KCNN2: variants seen among roughly 807,000 people sequenced by gnomAD.
The protein encoded by KCNN2 is small conductance calcium-activated potassium channel protein 2.
Under a neutral mutation model 55.5 loss-of-function variants are expected in KCNN2, and 24 were observed. That is an observed-to-expected ratio of 0.43 (90% confidence interval 0.31 to 0.61). KCNN2 has a LOEUF of 0.61. KCNN2 is among the 20% of genes least tolerant of loss of function. The pLI is 0.08. For synonymous variants in KCNN2, 431 were observed against 336.1 expected (o/e 1.28, Z -3.09); for missense variants, 754 against 853.6 (o/e 0.88, Z 1.45).
At chr5:114,116,564 AC>A (rs1360780382) in intron 1 of KCNN2, among the ~76,000 whole-genome samples, 1 of 152,124 alleles carries the variant, frequency 6.6e-6, no homozygotes, top group African/African-American at 2.4e-5. Flanking sequence ...GTTCCTGTTT[AC>A]CCACTTAAGC....
chr5:114,343,095 T>C (rs1429915070), intron 2 of KCNN2, among the ~76,000 whole-genome samples: 1 of 152,250 alleles, frequency 6.6e-6, no homozygotes, highest in Non-Finnish European at 1.5e-5. Context: ...TCTTCATTTC[T>C]TGCTACATTT....
intron 1 of KCNN2, among the ~76,000 whole-genome samples, chr5:114,153,990 G>C (rs1172697877): frequency 6.6e-6 from 1 of 152,146 alleles, no homozygotes; most frequent in African/African-American, 2.4e-5. Context: ...TAGTCCAGTG[G>C]GTCTAGAGAT....
intron 2 of KCNN2, among the ~76,000 whole-genome samples, chr5:114,231,441 C>A (rs917178385): frequency 6.8e-6 from 1 of 147,410 alleles, no homozygotes; most frequent in Non-Finnish European, 1.5e-5. Flanking sequence ...GTCTTTAATC[C>A]ATCTTGAATT....
In KCNN2 at chr5:114,362,811, G is replaced by A. The variant is rs759360717; in HGVS notation, c.672G>A (p.Arg224=). The A allele has an allele frequency of 4.4e-6, 7 of 1,597,734 alleles. No homozygotes were observed. The East Asian group carries it at 1.3e-4, about 31-fold the overall frequency. The change falls in exon 1 of 8, where the codon CGG becomes CGA. Residue 224 remains arginine, a synonymous_variant. Coordinates refer to ENST00000673685, the MANE Select transcript of KCNN2 (RefSeq NM_021614.4). The part of the protein sequence containing the change: ...SSCRYNGGVM[R]PLSNLSASRR... ...GCAGGTACAACGGGGGCGTCATGCG[G>A]CCGCTCAGCAACTTGAGCGCGTCCC...
At chr5:114,181,506 C>T (rs1753240077) in intron 1 of KCNN2, among the ~76,000 whole-genome samples, 1 of 152,096 alleles carries the variant, frequency 6.6e-6, no homozygotes, top group Non-Finnish European at 1.5e-5. Flanking sequence ...GATATTTGCC[C>T]ATTAATTTCT....
intron 6 of KCNN2, among the ~76,000 whole-genome samples, chr5:114,487,402 T>C (rs1747617506): frequency 6.6e-6 from 1 of 152,232 alleles, no homozygotes. Context: ...TTTATTAAAA[T>C]ATCTTCTCAG....
chr5:114,202,565 G>GTATA lies in KCNN2; in HGVS notation c.-270-18914_-270-18913insATAT, dbSNP rs1465277634. Among the ~76,000 whole-genome samples, 167 of 92,058 alleles carry GTATA rather than the reference G, an allele frequency of 1.8e-3. 1 individual carries two copies. The highest frequency in any genetic ancestry group is 5.9e-3 in the African/African-American group (151 of 25,800). 60.4% of individuals were successfully genotyped at this position (92,058 alleles called of 152,430 possible). A position where few individuals can be genotyped will look rare whatever the true frequency, so the allele number is the denominator to read the frequency against. On this transcript the variant is annotated intron_variant, in intron 1 of 10. Transcript: ENST00000512097. ...ATATACATGCCTAATATATATGTGT[G>GTATA]TGTATATATATATATATATATTTTT...
intron 2 of KCNN2, among the ~76,000 whole-genome samples, chr5:114,322,649 T>G (rs982235385): frequency 6.6e-6 from 1 of 151,882 alleles, no homozygotes; most frequent in East Asian, 1.9e-4. Flanking sequence ...AGTATTTTAA[T>G]TGATGCTGCA....
rs1158793304 is a variant in KCNN2 at position 114,385,515 on chromosome 5, GCGCGCACACACACA to G, written c.1219-18921_1219-18908del. ...TTGTTTATTGACAGCATACACACAT[GCGCGCACACACACA>G]CACACACACACACACACACACACAC... is the stretch of plus-strand genomic sequence containing the variant. On this transcript the variant is annotated intron_variant, in intron 2 of 7. Transcript: ENST00000673685. Among the ~76,000 whole-genome samples, 500 of 65,456 alleles carry G rather than the reference GCGCGCACACACACA, an allele frequency of 7.6e-3. 2 individuals are homozygous for G. The highest frequency in any genetic ancestry group is 0.033 in the African/African-American group (479 of 14,476). The allele number at this position is 65,456 out of a possible 152,430, so 42.9% of individuals were successfully genotyped here.
In KCNN2 at chr5:114,362,615, A is replaced by T; in HGVS notation, c.476A>T (p.Gln159Leu). ...TCGGCGTCCGCCTCCCAGTACCACC[A>T]GTGCCACAGCCTGCAGCCCGCCGCC... ...QQSASASQYH[Q>L]CHSLQPAASP... Residue 159 changes from glutamine to leucine, a missense_variant, in exon 1 of 8, where the codon CAG (glutamine) becomes CTG (leucine). By Grantham distance (113) the Gln-to-Leu change is moderately radical. Transcript: ENST00000673685. 1.1e-6 allele frequency: 1 copy of T among 944,724 alleles called. No homozygotes were observed. Among genetic ancestry groups the T allele is most frequent in the Non-Finnish European group, 1.5e-6 (1 of 660,308 alleles). The allele number at this position is 944,724 out of a possible 1,614,324, so 58.5% of individuals were successfully genotyped here. A position where few individuals can be genotyped will look rare whatever the true frequency, so the allele number is the denominator to read the frequency against.
At chr5:114,316,945 G>T (rs1019196334) in intron 2 of KCNN2, among the ~76,000 whole-genome samples, 3 of 152,204 alleles carry the variant, frequency 2.0e-5, no homozygotes, top group African/African-American at 7.2e-5. Context: ...TTTGGTAAAT[G>T]ATTATGGAAT....
chr5:114,383,184 A>G (rs374720890), intron 2 of KCNN2, among the ~76,000 whole-genome samples: 11 of 152,144 alleles, frequency 7.2e-5, no homozygotes, highest in East Asian at 5.8e-4. Context: ...AAGGGTTTGC[A>G]TAAGTTTTTC....
At chr5:114,112,095 T>C (rs1021881692) in intron 1 of KCNN2, among the ~76,000 whole-genome samples, 1 of 152,166 alleles carries the variant, frequency 6.6e-6, no homozygotes, top group Non-Finnish European at 1.5e-5. Flanking sequence ...CCATGAATGA[T>C]AGACTAGATT....
chr5:114,362,727 C>T lies in KCNN2; in HGVS notation c.588C>T (p.His196=), dbSNP rs1219947934. 1 of 1,524,032 alleles carries T rather than the reference C, an allele frequency of 6.6e-7. No individual in the cohort carries two copies. Among genetic ancestry groups the T allele is most frequent in the Non-Finnish European group, 8.7e-7 (1 of 1,143,522 alleles). 94.4% of individuals were successfully genotyped at this position (1,524,032 alleles called of 1,614,324 possible). ...ACCCGCACCCGGCGCACCACCAGCA[C>T]CACCAGCCCCAGGCGCGCCGCGAGA... ...HHHPHPAHHQ[H]HQPQARRESN... is the part of the protein sequence containing the mutation. Residue 196 remains histidine, a synonymous_variant, in exon 1 of 8, where the codon CAC becomes CAT. Transcript: ENST00000673685.
At chr5:114,470,977 C>T (rs1761706281) in intron 4 of KCNN2, among the ~76,000 whole-genome samples, 1 of 152,160 alleles carries the variant, frequency 6.6e-6, no homozygotes, top group Admixed American at 6.6e-5. Flanking sequence ...AGGTTAAAAA[C>T]TACCAATTTA....
At chr5:114,082,889 G>A (rs1485896039) in intron 1 of KCNN2, among the ~76,000 whole-genome samples, 1 of 151,846 alleles carries the variant, frequency 6.6e-6, no homozygotes, top group Admixed American at 6.6e-5. Context: ...TAGAATGGTG[G>A]TTGCCAGGAA....
At chr5:114,062,789 A>G (rs1020603927) in intron 1 of KCNN2, among the ~76,000 whole-genome samples, 4 of 152,210 alleles carry the variant, frequency 2.6e-5, no homozygotes, top group African/African-American at 7.2e-5. Flanking sequence ...ATTAACATCC[A>G]TTGAATATAA....
intron 3 of KCNN2, among the ~76,000 whole-genome samples, chr5:114,413,943 C>G (rs1009767291): frequency 1.3e-5 from 2 of 152,160 alleles, no homozygotes; most frequent in African/African-American, 4.8e-5. Context: ...AATTCAGCTT[C>G]AGAACCACTG....
intron 1 of KCNN2, among the ~76,000 whole-genome samples, chr5:114,127,502 C>T (rs189978534): frequency 1.8e-4 from 28 of 152,274 alleles, no homozygotes; most frequent in Admixed American, 1.1e-3. Context: ...GGCACCAAGT[C>T]GCTAGGCTGC....
Sources: gnomAD v4.1 joint callset for allele counts (sites outside exome capture counted in the v4.1 genomes callset) on GRCh38, gnomAD v4.1.1 for gene constraint, MANE v1.5 for transcripts, NCBI Gene and HGNC (gene_info 2026-07-23, HGNC 2026-07-21) for gene names.